ANK2: variants seen among roughly 807,000 people sequenced by gnomAD.
ANK2 encodes the protein ankyrin 2, also known as ankyrin-2.
In ANK2, 83 loss-of-function variants were observed where a neutral mutation model predicts 360.5. That is an observed-to-expected ratio of 0.23 (90% confidence interval 0.19 to 0.28). The LOEUF (loss-of-function observed/expected upper bound fraction) is 0.28. Ranked by LOEUF, ANK2 falls within the 10% of genes least tolerant of loss-of-function variation. ANK2 has a pLI of 1.00. For synonymous variants in ANK2, 1,740 were observed against 1,759.5 expected, an observed-to-expected ratio of 0.99 and a Z score of 0.28; for missense variants, 4,201 against 4,795.7, an observed-to-expected ratio of 0.88 and a Z score of 3.66.
chr4:113,284,222 T>C (rs2063509354), intron 18 of ANK2, among the ~76,000 whole-genome samples: 1 of 152,242 alleles, frequency 6.6e-6, no homozygotes, highest in African/African-American at 2.4e-5. Flanking sequence ...ATGGGCGTCC[T>C]TGTGACTGTT....
intron 1 of ANK2, among the ~76,000 whole-genome samples, chr4:112,897,412 A>G (rs2082079939): frequency 1.3e-5 from 2 of 152,124 alleles, no homozygotes; most frequent in South Asian, 2.1e-4. Flanking sequence ...AGCAAAAGTT[A>G]TTTGCATACA....
chr4:113,325,767 T>C (rs2089453013), intron 26 of ANK2, among the ~76,000 whole-genome samples: 1 of 152,146 alleles, frequency 6.6e-6, no homozygotes, highest in Admixed American at 6.5e-5. Context: ...GAAAGGAAGA[T>C]GATGGGAACA....
the ANK2 span, among the ~76,000 whole-genome samples, chr4:112,720,661 T>A: frequency 6.6e-6 from 1 of 152,348 alleles, no homozygotes; most frequent in Admixed American, 6.5e-5. Context: ...GCTCAATGAA[T>A]AATTTAATCT....
At chr4:112,969,030 C>A (rs2038430048) in intron 2 of ANK2, among the ~76,000 whole-genome samples, 1 of 152,058 alleles carries the variant, frequency 6.6e-6, no homozygotes, top group African/African-American at 2.4e-5. Context: ...ATGCTGAGGG[C>A]CTTGTATATG....
intron 1 of ANK2, among the ~76,000 whole-genome samples, chr4:113,123,467 A>G (rs1232877233): frequency 6.6e-6 from 1 of 152,126 alleles, no homozygotes; most frequent in Non-Finnish European, 1.5e-5. Flanking sequence ...TTCTCAAAAT[A>G]ATTTCTTCTT....
intron 26 of ANK2, among the ~76,000 whole-genome samples, chr4:113,319,939 C>T (rs1350514747): frequency 6.6e-6 from 1 of 152,152 alleles, no homozygotes; most frequent in Non-Finnish European, 1.5e-5. Context: ...GTTTAAAGTT[C>T]ATATGCAGCC....
chr4:113,320,794 T>C (rs2085772306), intron 26 of ANK2, among the ~76,000 whole-genome samples: 1 of 152,232 alleles, frequency 6.6e-6, no homozygotes, highest in Admixed American at 6.5e-5. Flanking sequence ...GGAAAAACTT[T>C]GCTTAATAAG....
chr4:113,359,278 A>C lies in ANK2; in HGVS notation c.10660A>C (p.Asn3554His). 6.2e-7 allele frequency: 1 copy of C among 1,613,868 alleles called. No individual in the cohort carries two copies. Among genetic ancestry groups the C allele is most frequent in the Non-Finnish European group, 8.5e-7 (1 of 1,179,866 alleles). The change falls in exon 38 of 46, where the codon AAT becomes CAT. Residue 3554 changes from asparagine to histidine, a missense_variant. Around this residue, in one of 4 missense-constraint regions of ANK2, gnomAD observed 2,642 missense variants for 2,714.5 expected, o/e 0.97. Transcript: ENST00000357077. ...ETLIERIPDE[N>H]GHDHAEDPQD... Reference sequence around the variant, plus strand: ...TCTGATTGAACGCATCCCTGATGAAAATGGCCATGACCATGCTGAAGGTAT... The same window carrying C: ...TCTGATTGAACGCATCCCTGATGAACATGGCCATGACCATGCTGAAGGTAT...
At chr4:112,715,880 G>A in the ANK2 span, among the ~76,000 whole-genome samples, 2 of 152,010 alleles carry the variant, frequency 1.3e-5, no homozygotes, top group African/African-American at 2.4e-5. Context: ...CCGAGATTGC[G>A]CCACTGCACT....
intron 1 of ANK2, among the ~76,000 whole-genome samples, chr4:113,153,400 T>G (rs2097164679): frequency 6.6e-6 from 1 of 152,202 alleles, no homozygotes; most frequent in African/African-American, 2.4e-5. Flanking sequence ...TAGAAAAATT[T>G]GTGAAAATCT....
chr4:112,939,716 T>G (rs2094056246), intron 2 of ANK2, among the ~76,000 whole-genome samples: 2 of 152,298 alleles, frequency 1.3e-5, no homozygotes, highest in Non-Finnish European at 2.9e-5. Flanking sequence ...AAAATCTCCC[T>G]CCTTATATCT....
intron 4 of ANK2, among the ~76,000 whole-genome samples, chr4:113,217,718 C>T (rs1188171219): frequency 1.3e-5 from 2 of 152,110 alleles, no homozygotes; most frequent in Non-Finnish European, 2.9e-5. Flanking sequence ...CGCCTCTCCC[C>T]CGCCCCGACT....
At chr4:113,268,979 T>A (rs1586687372) in intron 14 of ANK2, among the ~76,000 whole-genome samples, 1 of 152,186 alleles carries the variant, frequency 6.6e-6, no homozygotes, top group East Asian at 1.9e-4. Context: ...CTTGGGAGGG[T>A]GTATGTGTCC....
chr4:113,168,312 T>C (rs1217512516), intron 1 of ANK2, among the ~76,000 whole-genome samples: 3 of 152,350 alleles, frequency 2.0e-5, no homozygotes, highest in South Asian at 2.1e-4. Flanking sequence ...TTCTCAATTT[T>C]GTGTGAATAG....
Position 113,213,935 on chromosome 4 carries a change from G to A in ANK2, c.384+14826G>A, listed in dbSNP as rs2099053808. ...TATGAATATAAATGGAAAAAGAAAC[G>A]ACAAAATGCTGTTTTATTTATTTTT... On this transcript the variant is annotated intron_variant, in intron 4 of 45. Coordinates refer to ENST00000357077, the MANE Select transcript of ANK2 (RefSeq NM_001148.6). The A allele has an allele frequency of 3.2e-6, 2 of 623,188 alleles. 1 individual carries two copies. Among genetic ancestry groups the A allele is most frequent in the East Asian group, 5.9e-5 (2 of 33,686 alleles). 38.6% of individuals were successfully genotyped at this position (623,188 alleles called of 1,614,324 possible).
At chr4:113,369,410 T>G in intron 42 of ANK2, 104 bp from the exon 43 acceptor site, 3 of 1,211,324 alleles carry the variant, frequency 2.5e-6, no homozygotes, top group Non-Finnish European at 3.6e-6. Flanking sequence ...TTGACTGTCA[T>G]AGACTATGGA....
At chr4:112,793,949 G>A in the ANK2 span, among the ~76,000 whole-genome samples, 2 of 152,008 alleles carry the variant, frequency 1.3e-5, no homozygotes, top group East Asian at 1.9e-4. Flanking sequence ...TGCCTGCCTC[G>A]GCCTCCCAAA....
At chr4:113,022,543 A>G (rs2058402797) in intron 2 of ANK2, among the ~76,000 whole-genome samples, 2 of 152,206 alleles carry the variant, frequency 1.3e-5, no homozygotes, top group Non-Finnish European at 1.5e-5. Context: ...CACTGAGTGT[A>G]CATGGAATTT....
At chr4:113,060,008 C>A (rs1316300880) in intron 1 of ANK2, among the ~76,000 whole-genome samples, 2 of 152,074 alleles carry the variant, frequency 1.3e-5, no homozygotes, top group South Asian at 2.1e-4. Flanking sequence ...TGTGTGCACA[C>A]CCAACTACGT....
Sources: allele counts gnomAD v4.1 joint callset (sites outside exome capture counted in the v4.1 genomes callset), GRCh38; gene constraint gnomAD v4.1.1; regional missense constraint gnomAD v4.1.1; transcripts MANE v1.5; gene names NCBI Gene and HGNC (gene_info 2026-07-23, HGNC 2026-07-21).